DENND3: variants seen among roughly 807,000 people sequenced by gnomAD.
DENND3 encodes DENN domain-containing protein 3.
In DENND3, 88 loss-of-function variants were observed where a neutral mutation model predicts 135.1. The observed-to-expected ratio is 0.65, with a 90% CI of 0.55 to 0.78. The LOEUF (loss-of-function observed/expected upper bound fraction) is 0.78. DENND3 is among the 30% of genes least tolerant of loss of function. DENND3 has a pLI of 0.00. For synonymous variants in DENND3, 693 were observed against 712.3 expected (o/e 0.97, Z 0.43); for missense variants, 1,392 against 1,688.4 (o/e 0.82, Z 3.08).
Position 141,144,100 on chromosome 8 carries a change from C to T in DENND3, c.624-48C>T, listed in dbSNP as rs1187587658. ...TTAGAAACGCTAACGATGACAACTG[C>T]GTTCTCATCTTTATTTTGCGGTTTG... On this transcript the variant is annotated intron_variant, in intron 4 of 22. Coordinates refer to ENST00000519811, the MANE Select transcript of DENND3 (RefSeq NM_001352890.3). The surrounding 1 kb of genome is among the most constrained non-coding windows in gnomAD (Gnocchi z 4.4). 3 of 1,463,872 alleles carry T rather than the reference C, an allele frequency of 2.0e-6. No individual in the cohort carries two copies. The highest frequency in any genetic ancestry group is 2.8e-6 in the Non-Finnish European group (3 of 1,053,750). The allele number at this position is 1,463,872 out of a possible 1,614,324, so 90.7% of individuals were successfully genotyped here.
At chr8:141,177,962 G>C in intron 15 of DENND3, 105 bp from the exon 16 acceptor site, 1 of 1,407,292 alleles carries the variant, frequency 7.1e-7, no homozygotes, top group East Asian at 2.4e-5. Flanking sequence ...TGTCACTTTG[G>C]AAAAAGGCAT....
chr8:141,169,895 C>T (rs904155880), intron 13 of DENND3, among the ~76,000 whole-genome samples: 2 of 152,224 alleles, frequency 1.3e-5, no homozygotes, highest in Non-Finnish European at 2.9e-5. Flanking sequence ...CATTTGTCCA[C>T]CTGTTTCACC....
Position 141,166,236 on chromosome 8 carries a change from A to C in DENND3, c.1600A>C (p.Arg534=). Residue 534 remains arginine (R), a synonymous_variant, in exon 12 of 23, where the codon AGA becomes CGA. Coordinates refer to ENST00000519811, the MANE Select transcript of DENND3 (RefSeq NM_001352890.3). The surrounding 1 kb of genome is among the most constrained non-coding windows in gnomAD (Gnocchi z 4.3). ...TCCAAGGAGACCGACCGTTGAGAAA[A>C]GAGCCTCCCGGAAGTCCTCGCACCT... ...LSPRRPTVEK[R]ASRKSSHLHV... 1 of 1,614,178 alleles carries C rather than the reference A, an allele frequency of 6.2e-7. No individual in the cohort carries two copies. The highest frequency in any genetic ancestry group is 8.5e-7 in the Non-Finnish European group (1 of 1,180,044).
intron 9 of DENND3, 51 bp downstream of exon 9, chr8:141,160,838 T>G (rs1408918403): frequency 6.3e-7 from 1 of 1,577,232 alleles, no homozygotes; most frequent in Non-Finnish European, 8.7e-7. Context: ...CAGCCAGCCA[T>G]CCATTCTATG....
At chr8:141,151,986 C>T in intron 7 of DENND3, 149 bp downstream of exon 7, 1 of 979,028 alleles carries the variant, frequency 1.0e-6, no homozygotes. Context: ...AGTGGCTGTT[C>T]ACTCACTGTG....
At chr8:141,142,144 C>A in intron 4 of DENND3, 1 of 333,876 alleles carries the variant, frequency 3.0e-6, no homozygotes, top group Non-Finnish European at 5.9e-6. Context: ...CGTATAGAAC[C>A]CAGTGGGCTC....
chr8:141,169,529 G>A (rs1160744694), intron 13 of DENND3, among the ~76,000 whole-genome samples: 2 of 152,350 alleles, frequency 1.3e-5, no homozygotes, highest in African/African-American at 2.4e-5. Context: ...AGGGTCCTGC[G>A]CCCAGACTAA....
In DENND3 at chr8:141,190,425, CG is replaced by C; in HGVS notation, c.3379+10del. On this transcript the variant is annotated intron_variant, in intron 20 of 22. Coordinates refer to ENST00000519811, the MANE Select transcript of DENND3 (RefSeq NM_001352890.3). ...GCGGCCGCCTGTGGTGCTGTAAGTC[CG>C]GCCCCTGCCATCAGAGCGGGCACCC... The C allele has an allele frequency of 1.2e-6, 2 of 1,602,826 alleles. No individual in the cohort carries two copies. The highest frequency in any genetic ancestry group is 1.7e-6 in the Non-Finnish European group (2 of 1,175,568).
chr8:141,191,129 T>G (rs1289045180), intron 20 of DENND3: 3 of 152,260 alleles, frequency 2.0e-5, no homozygotes, highest in Admixed American at 6.5e-5. Flanking sequence ...TACATAACCA[T>G]GAAACAAATC....
chr8:141,192,212 G>A (rs1429342538), intron 20 of DENND3, 119 bp from the exon 21 acceptor site: 2 of 1,391,926 alleles, frequency 1.4e-6, no homozygotes, highest in Admixed American at 4.2e-5. Context: ...GGCGCCAGGT[G>A]GCACGTGGTG....
rs2154612767 is a variant in DENND3, at chr8:141,141,044, T to C, written c.502-159T>C. Among the ~76,000 whole-genome samples the C allele has an allele frequency of 6.6e-6, 1 of 152,356 alleles. No individual in the cohort carries two copies. ...GTGCAAGCACCAAATAGGGACCCCGTAGACTTCGACCGGAGGGCCGGTGCT... is the reference window on the plus strand; with the variant it reads ...GTGCAAGCACCAAATAGGGACCCCGCAGACTTCGACCGGAGGGCCGGTGCT... On this transcript the variant is annotated intron_variant, in intron 3 of 22. Coordinates refer to ENST00000519811, the MANE Select transcript of DENND3 (RefSeq NM_001352890.3). The surrounding 1 kb of genome is among the most constrained non-coding windows in gnomAD (Gnocchi z 5.3).
chr8:141,185,596 G>A (rs571494706), intron 18 of DENND3: 2 of 222,222 alleles, frequency 9.0e-6, no homozygotes, highest in South Asian at 1.5e-4. Context: ...AGGCTGAGGT[G>A]GGTGGATTGC....
chr8:141,159,689 A>T (rs1222069238), intron 8 of DENND3, among the ~76,000 whole-genome samples: 1 of 152,224 alleles, frequency 6.6e-6, no homozygotes, highest in African/African-American at 2.4e-5. Context: ...AATATGTGTG[A>T]CCAGATATGC....
chr8:141,151,526 A>C (rs1818796676), intron 6 of DENND3, 93 bp from the exon 7 acceptor site: 8 of 1,203,264 alleles, frequency 6.6e-6, no homozygotes, highest in Non-Finnish European at 9.6e-6. Context: ...ACACCACTGC[A>C]CTCCAGCCTG....
At chr8:141,188,937 C>G in intron 18 of DENND3, 49 bp from the exon 19 acceptor site, 2 of 1,597,018 alleles carry the variant, frequency 1.3e-6, no homozygotes, top group Non-Finnish European at 1.7e-6. Flanking sequence ...TATGACTTCA[C>G]CAGTATCGAG....
intron 17 of DENND3, 107 bp downstream of exon 17, chr8:141,180,961 G>A: frequency 5.9e-6 from 5 of 850,658 alleles, no homozygotes; most frequent in Admixed American, 2.8e-5. Flanking sequence ...AGTGTCACGG[G>A]ATAAGTGGGG....
chr8:141,135,870 A>G (rs1275767313), intron 1 of DENND3, among the ~76,000 whole-genome samples: 1 of 152,246 alleles, frequency 6.6e-6, no homozygotes, highest in East Asian at 1.9e-4. Flanking sequence ...CAGCCGAGGA[A>G]GGGCACATGT....
intron 13 of DENND3, among the ~76,000 whole-genome samples, chr8:141,172,161 G>C (rs1821686678): frequency 6.7e-6 from 1 of 149,274 alleles, no homozygotes; most frequent in Non-Finnish European, 1.5e-5. Flanking sequence ...CATAGTGACT[G>C]TGGGCGTGCA....
At position 141,175,674 on chromosome 8, in the gene DENND3, T is replaced by C. The variant is rs1589674946; in HGVS notation, c.2535+215T>C. 1.5e-6 allele frequency: 1 copy of C among 664,788 alleles called. No individual in the cohort carries two copies. Among genetic ancestry groups the C allele is most frequent in the Non-Finnish European group, 2.6e-6 (1 of 385,346 alleles). 41.2% of individuals were successfully genotyped at this position (664,788 alleles called of 1,614,324 possible). On this transcript the variant is annotated intron_variant, in intron 14 of 22. Coordinates refer to ENST00000519811, the MANE Select transcript of DENND3 (RefSeq NM_001352890.3). This position sits in a 1 kb window ranked among gnomAD's most constrained non-coding sequence, Gnocchi z 5.4. ...TGGTGGAGATTGAATAGTTTGCATA[T>C]GGAGCATGCTTAGAATGGTAACTGA...
Sources: allele counts gnomAD v4.1 joint callset (sites outside exome capture counted in the v4.1 genomes callset), GRCh38; gene constraint gnomAD v4.1.1; non-coding constraint Gnocchi (gnomAD v3.1); transcripts MANE v1.5; gene names NCBI Gene and HGNC (gene_info 2026-07-23, HGNC 2026-07-21).